Variants in NFIB observed in about 807,000 individuals in gnomAD.
The protein encoded by NFIB is nuclear factor I B.
Under a neutral mutation model 61.5 loss-of-function variants are expected in NFIB, and 11 were observed. The observed-to-expected ratio is 0.18, with a 90% CI of 0.11 to 0.30. The LOEUF is 0.30. NFIB is among the 10% of genes least tolerant of loss of function. The probability of loss-of-function intolerance (pLI) is 1.00; values close to 1 mark genes in which losing one functional copy is unlikely to be tolerated. For synonymous variants in NFIB, 260 were observed against 216.5 expected (o/e 1.20, Z -1.76); for missense variants, 471 against 608.9 (o/e 0.77, Z 2.38).
At chr9:14,484,812 T>C in the NFIB span, among the ~76,000 whole-genome samples, 1 of 152,226 alleles carries the variant, frequency 6.6e-6, no homozygotes, top group Non-Finnish European at 1.5e-5. Flanking sequence ...ATGGAGGCTG[T>C]ATTAGACAGC....
chr9:14,415,974 T>C, the NFIB span, among the ~76,000 whole-genome samples: 1 of 152,140 alleles, frequency 6.6e-6, no homozygotes, highest in South Asian at 2.1e-4. Context: ...CATACAGGAT[T>C]ATTATTAAGA....
intron 2 of NFIB, among the ~76,000 whole-genome samples, chr9:14,187,068 T>C (rs1367039665): frequency 6.9e-6 from 1 of 145,606 alleles, no homozygotes; most frequent in Non-Finnish European, 1.5e-5. Context: ...TGTGTGTGTG[T>C]GTGTGCCTGT....
Position 14,086,260 on chromosome 9 carries a change from TG to T in NFIB, c.*2048del. The T allele has an allele frequency of 4.6e-6, 1 of 219,138 alleles. No homozygotes were observed. The highest frequency in any genetic ancestry group is 9.2e-6 in the Non-Finnish European group (1 of 109,066). 13.6% of individuals were successfully genotyped at this position (219,138 alleles called of 1,614,324 possible). A position where few individuals can be genotyped will look rare whatever the true frequency, so the allele number is the denominator to read the frequency against. ...CCACCCACCCCAGAATATATATATA[TG>T]TATATTAAAAAAAATCCCCTGTCCA... On this transcript the variant is annotated 3_prime_UTR_variant, in exon 11 of 11. Transcript: ENST00000380953.
chr9:14,423,559 C>T, the NFIB span, among the ~76,000 whole-genome samples: 2 of 152,312 alleles, frequency 1.3e-5, no homozygotes, highest in East Asian at 3.9e-4. Context: ...GGTCACTGGG[C>T]CCATTATCCT....
the NFIB span, among the ~76,000 whole-genome samples, chr9:14,440,143 G>T: frequency 2.0e-5 from 3 of 152,194 alleles, no homozygotes; most frequent in African/African-American, 4.8e-5. Context: ...GCCCTCACAT[G>T]CATGAGGCAC....
At chr9:14,469,568 C>G in the NFIB span, among the ~76,000 whole-genome samples, 1 of 152,148 alleles carries the variant, frequency 6.6e-6, no homozygotes, top group African/African-American at 2.4e-5. Context: ...ATGCATGCTC[C>G]TAAATCCTTC....
rs561762277 is a variant in NFIB at position 14,093,102 on chromosome 9, G to A, written c.1468-4776C>T. 1.3e-4 allele frequency among the ~76,000 whole-genome samples: 20 copies of A among 152,088 alleles called. No homozygotes were observed. In the East Asian group the frequency reaches 3.5e-3, roughly 26 times the overall value. On this transcript the variant is annotated intron_variant, in intron 10 of 10. Coordinates refer to ENST00000380953, the MANE Select transcript of NFIB (RefSeq NM_001190737.2). The stretch of plus-strand genomic sequence containing the variant: ...GGGTGCCACATTAAACATGTATGAA[G>A]CCATTACATTGAGCCAGAAACCAAA...
chr9:14,472,928 C>T, the NFIB span, among the ~76,000 whole-genome samples: 1 of 152,300 alleles, frequency 6.6e-6, no homozygotes, highest in South Asian at 2.1e-4. Context: ...ACCACAGACA[C>T]TTTGAGAAGC....
Position 14,379,126 on chromosome 9 carries a change from T to A in NFIB, c.108+19398A>T, listed in dbSNP as rs777631815. Among the ~76,000 whole-genome samples the A allele has an allele frequency of 1.8e-4, 28 of 152,182 alleles. 1 individual carries two copies. Among genetic ancestry groups the A allele is most frequent in the Admixed American group, 4.6e-4 (7 of 15,274 alleles). ...ATAACCAATCACCTCTCAGCATATC[T>A]TACCATCTGGTGTATCTCTCTTTCT... On this transcript the variant is annotated intron_variant, in intron 1 of 8. Transcript: ENST00000380934.
At chr9:14,502,056 C>G in the NFIB span, among the ~76,000 whole-genome samples, 4 of 152,170 alleles carry the variant, frequency 2.6e-5, no homozygotes, top group Non-Finnish European at 5.9e-5. Flanking sequence ...CTATTAGTCT[C>G]TAATCTCTTA....
chr9:14,200,013 C>T (rs1029676365), intron 2 of NFIB, among the ~76,000 whole-genome samples: 3 of 152,126 alleles, frequency 2.0e-5, no homozygotes, highest in African/African-American at 4.8e-5. Flanking sequence ...CTGTTCCTTA[C>T]TGCTGCTGCT....
chr9:14,429,282 A>G, the NFIB span, among the ~76,000 whole-genome samples: 2 of 152,210 alleles, frequency 1.3e-5, no homozygotes, highest in Non-Finnish European at 2.9e-5. Context: ...CCAGATATAC[A>G]TCCCCTTACC....
At chr9:14,221,813 T>C (rs555515874) in intron 2 of NFIB, among the ~76,000 whole-genome samples, 1 of 152,332 alleles carries the variant, frequency 6.6e-6, no homozygotes, top group African/African-American at 2.4e-5. Flanking sequence ...TCTTTACCAG[T>C]GAGTCATCTC....
intron 2 of NFIB, among the ~76,000 whole-genome samples, chr9:14,236,081 T>A (rs2131988229): frequency 6.6e-6 from 1 of 152,332 alleles, no homozygotes; most frequent in Admixed American, 6.5e-5. Context: ...CATAACACAA[T>A]AATCACTATA....
the NFIB span, among the ~76,000 whole-genome samples, chr9:14,481,197 G>GTGTATA: frequency 0.011 from 523 of 45,752 alleles, 16 homozygotes; most frequent in Admixed American, 0.014. Context: ...GTGTGTGTGT[G>GTGTATA]TATATATATA....
the NFIB span, among the ~76,000 whole-genome samples, chr9:14,458,317 C>T: frequency 6.6e-6 from 1 of 152,184 alleles, no homozygotes; most frequent in East Asian, 1.9e-4. Flanking sequence ...AATTCAACTG[C>T]CCTTCATGCT....
chr9:14,327,916 AT>A (rs2060774426), intron 1 of NFIB, among the ~76,000 whole-genome samples: 1 of 152,190 alleles, frequency 6.6e-6, no homozygotes, highest in Non-Finnish European at 1.5e-5. Context: ...TGTGAGAAAT[AT>A]TTTTGTAAAC....
At chr9:14,494,008 G>A in the NFIB span, among the ~76,000 whole-genome samples, 9 of 152,138 alleles carry the variant, frequency 5.9e-5, no homozygotes, top group African/African-American at 1.9e-4. Context: ...CTGTGGAAAC[G>A]TATCTCTTCT....
chr9:14,316,181 G>A (rs922898124), upstream of NFIB, among the ~76,000 whole-genome samples: 1 of 152,214 alleles, frequency 6.6e-6, no homozygotes, highest in Admixed American at 6.5e-5. Flanking sequence ...AAGTAGGCAG[G>A]TTCAAGTCAA....
Sources: gnomAD v4.1 joint callset for allele counts (sites outside exome capture counted in the v4.1 genomes callset) on GRCh38, gnomAD v4.1.1 for gene constraint, MANE v1.5 for transcripts, NCBI Gene and HGNC (gene_info 2026-07-23, HGNC 2026-07-21) for gene names.